GIMAP6: variants seen among roughly 807,000 people sequenced by gnomAD.
GIMAP6 encodes the protein GTPase IMAP family member 6.
In GIMAP6, 6 loss-of-function variants were observed where a neutral mutation model predicts 9.3. The ratio of observed to expected loss-of-function variants is 0.65; its 90% confidence interval spans 0.35 to 1.27. GIMAP6 has a LOEUF of 1.27. Among genes scored for constraint, GIMAP6 ranks in the 50% most tolerant of loss-of-function variants. The pLI, the probability that GIMAP6 is intolerant of heterozygous loss-of-function variation, is 0.03. For synonymous variants in GIMAP6, 156 were observed against 151.1 expected, an observed-to-expected ratio of 1.03 and a Z score of -0.24; for missense variants, 333 against 359.5, an observed-to-expected ratio of 0.93 and a Z score of 0.60.
intron 2 of GIMAP6, 195 bp from the exon 3 acceptor site, chr7:150,628,707 A>G (rs1375872051): frequency 1.3e-6 from 2 of 1,515,422 alleles, no homozygotes; most frequent in Admixed American, 2.3e-5. Flanking sequence ...GTTCTCTCCC[A>G]GTGCAAGAGC....
chr7:150,630,716 G>T (rs1796377472), intron 1 of GIMAP6, among the ~76,000 whole-genome samples: 1 of 152,218 alleles, frequency 6.6e-6, no homozygotes, highest in Non-Finnish European at 1.5e-5. Context: ...GAGCTGGGAA[G>T]GAAGCCAGAG....
At chr7:150,631,940 T>C (rs1796398077) in intron 1 of GIMAP6, among the ~76,000 whole-genome samples, 1 of 151,750 alleles carries the variant, frequency 6.6e-6, no homozygotes, top group Non-Finnish European at 1.5e-5. Flanking sequence ...ACAAAACACA[T>C]GTACCACTCA....
Position 150,628,475 on chromosome 7 carries a change from C to T in GIMAP6, c.123G>A (p.Leu41=), listed in dbSNP as rs1464920536. 1.9e-6 allele frequency: 3 copies of T among 1,614,172 alleles called. No individual in the cohort carries two copies. The highest frequency in any genetic ancestry group is 1.7e-6 in the Non-Finnish European group (2 of 1,180,038). ...CTGTTTTCCCCATGAGAATGAGCCT[C>T]AGTCTCCTTGGGGTCTTCTGTTCTT... The part of the protein sequence containing the change: ...REKEQKTPRR[L]RLILMGKTGS... The change falls in exon 3 of 3, where the codon CTG becomes CTA. Residue 41 remains leucine (L), a synonymous_variant. Transcript: ENST00000328902.
In GIMAP6 at chr7:150,627,609, T is replaced by C; in HGVS notation, c.*110A>G. 1.5e-6 allele frequency: 2 copies of C among 1,364,538 alleles called. No individual in the cohort carries two copies. Among genetic ancestry groups the C allele is most frequent in the Non-Finnish European group, 2.1e-6 (2 of 961,092 alleles). The allele number at this position is 1,364,538 out of a possible 1,614,324, so 84.5% of individuals were successfully genotyped here. A position where few individuals can be genotyped will look rare whatever the true frequency, so the allele number is the denominator to read the frequency against. Reference sequence around the variant, plus strand: ...CATGCCCCTCTTCCTACACCAGACGTCATGACCTGGAGACTGGGAAGCACT... The same window carrying C: ...CATGCCCCTCTTCCTACACCAGACGCCATGACCTGGAGACTGGGAAGCACT... On this transcript the variant is annotated 3_prime_UTR_variant, in exon 3 of 3. Coordinates refer to ENST00000328902, the MANE Select transcript of GIMAP6 (RefSeq NM_024711.6).
intron 2 of GIMAP6, 121 bp downstream of exon 2, chr7:150,629,937 G>A (rs1033132069): frequency 9.6e-6 from 7 of 727,446 alleles, no homozygotes; most frequent in South Asian, 1.7e-5. Flanking sequence ...TGGCTGAGGC[G>A]GGTAAATTTC....
rs967063168 is a variant in GIMAP6, at chr7:150,627,716, G to C, written c.*3C>G. 9 of 1,612,726 alleles carry C rather than the reference G, an allele frequency of 5.6e-6. No individual in the cohort carries two copies. The African/African-American group carries it at 1.2e-4, about 22-fold the overall frequency. Reference sequence around the variant, plus strand: ...GTGTCCTTGGCTCAAGTCCAGCACAGGCTCAAAGGTCAGCCTTCCCCAGCA... The same window carrying C: ...GTGTCCTTGGCTCAAGTCCAGCACACGCTCAAAGGTCAGCCTTCCCCAGCA... On this transcript the variant is annotated 3_prime_UTR_variant, in exon 3 of 3. Coordinates refer to ENST00000328902, the MANE Select transcript of GIMAP6 (RefSeq NM_024711.6).
intron 1 of GIMAP6, among the ~76,000 whole-genome samples, chr7:150,630,645 G>C (rs1218389725): frequency 6.6e-6 from 1 of 152,214 alleles, no homozygotes; most frequent in African/African-American, 2.4e-5. Context: ...GTGGGCCTTG[G>C]GGCCAGACTT....
Position 150,629,403 on chromosome 7 carries a change from T to C in GIMAP6, c.85+655A>G, listed in dbSNP as rs188352134. On this transcript the variant is annotated intron_variant, in intron 2 of 2. Transcript: ENST00000328902. ...CCATTTAAGTTCATAAAGTAAAAGG[T>C]CATTCATATTAAAATACATAATGAA... Among the ~76,000 whole-genome samples the C allele has an allele frequency of 4.2e-3, 634 of 152,314 alleles. 50 individuals are homozygous for C. The South Asian group carries it at 0.13, about 30-fold the overall frequency.
At chr7:150,628,761 G>C in intron 2 of GIMAP6, 1 of 1,442,804 alleles carries the variant, frequency 6.9e-7, no homozygotes, top group Non-Finnish European at 9.1e-7. Flanking sequence ...AGAACACCAA[G>C]AAACCCAATA....
In GIMAP6 at chr7:150,628,407, T is replaced by A. The variant is rs1196057410; in HGVS notation, c.191A>T (p.Asp64Val). Reference sequence around the variant, plus strand: ...GGTGCTGAGTTTAGACTCGAAGACGTCCCTGCCGAGGATGCTGTTTCCTGT... The same window carrying A: ...GGTGCTGAGTTTAGACTCGAAGACGACCCTGCCGAGGATGCTGTTTCCTGT... ...SATGNSILGR[D>V]VFESKLSTRP... is the part of the protein sequence containing the mutation. Residue 64 changes from aspartate to valine, a missense_variant, in exon 3 of 3, where the codon GAC becomes GTC. By Grantham distance (152) the Asp-to-Val change is radical (BLOSUM62 -3). Coordinates refer to ENST00000328902, the MANE Select transcript of GIMAP6 (RefSeq NM_024711.6). The A allele has an allele frequency of 5.0e-6, 8 of 1,614,052 alleles. No individual in the cohort carries two copies. Among genetic ancestry groups the A allele is most frequent in the Non-Finnish European group, 6.8e-6 (8 of 1,180,016 alleles).
Position 150,630,077 on chromosome 7 carries a change from A to G in GIMAP6, c.66T>C (p.Pro22=), listed in dbSNP as rs755029197. The part of the protein sequence containing the change: ...ENPPEELSQD[P]VLELSGGLRE... ...TTTTACCTCCTGACAGCTCCAGCAC[A>G]GGATCCTGGGACAGCTCTTCTGGGG... The change falls in exon 2 of 3, where the codon CCT becomes CCC. Residue 22 remains proline (P), a synonymous_variant. Transcript: ENST00000328902. 2.3e-5 allele frequency: 36 copies of G among 1,592,532 alleles called. No homozygotes were observed. Among genetic ancestry groups the G allele is most frequent in the Non-Finnish European group, 8.5e-6 (10 of 1,171,602 alleles).
At chr7:150,629,954 TGG>T in intron 2 of GIMAP6, 102 bp downstream of exon 2, 1 of 792,376 alleles carries the variant, frequency 1.3e-6, no homozygotes, top group Non-Finnish European at 2.1e-6. Flanking sequence ...TTTCTGTGAC[TGG>T]GGGACGTCAG....
Position 150,627,648 on chromosome 7 carries a change from A to C in GIMAP6, c.*71T>G. ...CTGGGAAGCACTCCATGGGATGGAA[A>C]GAGAAACAGAGGGCTGGACACAGGG... On this transcript the variant is annotated 3_prime_UTR_variant, in exon 3 of 3. Transcript: ENST00000328902. The C allele has an allele frequency of 1.0e-5, 16 of 1,588,474 alleles. No homozygotes were observed. The highest frequency in any genetic ancestry group is 1.3e-5 in the African/African-American group (1 of 74,578).
In GIMAP6 at chr7:150,630,146, CAAAAAA is replaced by C. The variant is rs58764098; in HGVS notation, c.1-10_1-5del. On this transcript the variant is annotated splice_polypyrimidine_tract_variant and splice_region_variant and intron_variant, in intron 1 of 2. Coordinates refer to ENST00000328902, the MANE Select transcript of GIMAP6 (RefSeq NM_024711.6). ...GTTCATATTCTTCTTCCTCCATCTA[CAAAAAA>C]AAAAAAAAAAAAAAAATCATATGTT... is the stretch of plus-strand genomic sequence containing the variant. 8.4e-4 allele frequency: 786 copies of C among 934,328 alleles called. No individual in the cohort carries two copies. The highest frequency in any genetic ancestry group is 1.3e-3 in the South Asian group (55 of 41,242). The allele number at this position is 934,328 out of a possible 1,614,324, so 57.9% of individuals were successfully genotyped here. A position where few individuals can be genotyped will look rare whatever the true frequency, so the allele number is the denominator to read the frequency against.
intron 2 of GIMAP6, 50 bp from the exon 3 acceptor site, chr7:150,628,562 C>A (rs778763450): frequency 1.2e-6 from 2 of 1,603,634 alleles, no homozygotes; most frequent in East Asian, 4.5e-5. Context: ...GGCCCATGTA[C>A]CCCATCTTGT....
chr7:150,631,862 G>T (rs1285914491), intron 1 of GIMAP6, among the ~76,000 whole-genome samples: 1 of 152,112 alleles, frequency 6.6e-6, no homozygotes, highest in Non-Finnish European at 1.5e-5. Context: ...GTTGGTCACA[G>T]CTCTTTTTAT....
In GIMAP6 at chr7:150,628,324, C is replaced by T. The variant is rs769649860; in HGVS notation, c.274G>A (p.Glu92Lys). Residue 92 changes from glutamate to lysine, a missense_variant, in exon 3 of 3, where the codon GAG becomes AAG. By Grantham distance (56) the Glu-to-Lys change is moderately conservative. Coordinates refer to ENST00000328902, the MANE Select transcript of GIMAP6 (RefSeq NM_024711.6). ...AGAATGTTGGGTGTGTCAATCACCT[C>T]AAGCTCCTTCCCAGCCCACTCTCGG... ...RSREWAGKEL[E>K]VIDTPNILSP... 2 of 1,614,160 alleles carry T rather than the reference C, an allele frequency of 1.2e-6. No individual in the cohort carries two copies. The highest frequency in any genetic ancestry group is 8.5e-7 in the Non-Finnish European group (1 of 1,179,994).
rs769135828 is a variant in GIMAP6 at position 150,627,607 on chromosome 7, C to A, written c.*112G>T. On this transcript the variant is annotated 3_prime_UTR_variant, in exon 3 of 3. Transcript: ENST00000328902. ...CCCATGCCCCTCTTCCTACACCAGA[C>A]GTCATGACCTGGAGACTGGGAAGCA... The A allele has an allele frequency of 3.0e-6, 4 of 1,320,512 alleles. No homozygotes were observed. The highest frequency in any genetic ancestry group is 1.2e-5 in the South Asian group (1 of 83,786). The allele number at this position is 1,320,512 out of a possible 1,614,324, so 81.8% of individuals were successfully genotyped here.
At position 150,629,961 on chromosome 7, in the gene GIMAP6, C is replaced by T. The variant is rs555690721; in HGVS notation, c.85+97G>A. Reference sequence around the variant, plus strand: ...CGGGTAAATTTCTGTGACTGGGGGACGTCAGCTTCCTCTCCAAGCACACTA... The same window carrying T: ...CGGGTAAATTTCTGTGACTGGGGGATGTCAGCTTCCTCTCCAAGCACACTA... On this transcript the variant is annotated intron_variant, in intron 2 of 2. Coordinates refer to ENST00000328902, the MANE Select transcript of GIMAP6 (RefSeq NM_024711.6). 7.1e-5 allele frequency: 58 copies of T among 821,126 alleles called. No homozygotes were observed. In the South Asian group the frequency reaches 7.6e-4, roughly 11 times the overall value. 50.9% of individuals were successfully genotyped at this position (821,126 alleles called of 1,614,324 possible). A position where few individuals can be genotyped will look rare whatever the true frequency, so the allele number is the denominator to read the frequency against.
Sources: allele counts gnomAD v4.1 joint callset (sites outside exome capture counted in the v4.1 genomes callset), GRCh38; gene constraint gnomAD v4.1.1; transcripts MANE v1.5; gene names NCBI Gene and HGNC (gene_info 2026-07-23, HGNC 2026-07-21).